The following GPRASP1 variants were observed in gnomAD, a reference collection of about 807,000 sequenced individuals.
GPRASP1 encodes the protein G protein-coupled receptor-associated sorting protein 1.
Under a neutral mutation model 68.4 loss-of-function variants are expected in GPRASP1, and 28 were observed. The ratio of observed to expected loss-of-function variants is 0.41; its 90% confidence interval spans 0.30 to 0.56. The LOEUF is 0.56. GPRASP1 is among the 20% of genes least tolerant of loss of function. GPRASP1 has a pLI of 0.29. For missense variants in GPRASP1, 913 were observed against 1,031.5 expected, an observed-to-expected ratio of 0.89 and a Z score of 1.57; for synonymous variants, 304 against 358.2, an observed-to-expected ratio of 0.85 and a Z score of 1.71.
At position 102,654,556 on chromosome X, in the gene GPRASP1, C is replaced by G. The variant is rs752939621; in HGVS notation, c.643C>G (p.Pro215Ala). 8.3e-7 allele frequency: 1 copy of G among 1,210,930 alleles called. No individual in the cohort carries two copies. Among genetic ancestry groups the G allele is most frequent in the Non-Finnish European group, 1.1e-6 (1 of 894,900 alleles). ...SGDEVTAKFHPGNRVKDSNRS... is the reference protein window; with the variant it reads ...SGDEVTAKFHAGNRVKDSNRS... ...AGATGAGGTCACTGCAAAATTTCATCCTGGGAATAGGGTAAAAGACAGTAA... is the reference window on the plus strand; with the variant it reads ...AGATGAGGTCACTGCAAAATTTCATGCTGGGAATAGGGTAAAAGACAGTAA... The change falls in exon 6 of 6, where the codon CCT becomes GCT. Residue 215 changes from proline (P) to alanine (A), a missense_variant. Coordinates refer to ENST00000537097, the MANE Select transcript of GPRASP1 (RefSeq NM_001184727.2).
In GPRASP1 at chrX:102,655,538, C is replaced by G; in HGVS notation, c.1625C>G (p.Thr542Arg). ...GTTGGGGTCAGCTGTGAGTCCAGGA[C>G]AAGGTCTGAGGAAGAAGAGGTCATT... ...SGVGVSCESR[T>R]RSEEEEVIGP... The change falls in exon 6 of 6, where the codon ACA (threonine) becomes AGA (arginine). Residue 542 changes from threonine (T) to arginine (R), a missense_variant. Thr to Arg is a moderately conservative substitution (Grantham distance 71, BLOSUM62 -1). Transcript: ENST00000537097. 8.3e-7 allele frequency: 1 copy of G among 1,211,009 alleles called. No individual in the cohort carries two copies.
Position 102,654,039 on chromosome X carries a change from C to T in GPRASP1, c.126C>T (p.Thr42=). Residue 42 remains threonine (T), a synonymous_variant, in exon 6 of 6, where the codon ACC becomes ACT. Transcript: ENST00000537097. ...TGGTGGTCAGACCCAAGGTTAGGACCCAGGCCCAGATAATGCCTGGGGCAA... is the reference window on the plus strand; with the variant it reads ...TGGTGGTCAGACCCAAGGTTAGGACTCAGGCCCAGATAATGCCTGGGGCAA... The part of the protein sequence containing the change: ...VPLVVRPKVR[T]QAQIMPGARP... 8.3e-7 allele frequency: 1 copy of T among 1,211,820 alleles called. No individual in the cohort carries two copies. Among genetic ancestry groups the T allele is most frequent in the Non-Finnish European group, 1.1e-6 (1 of 895,371 alleles).
At position 102,657,578 on chromosome X, in the gene GPRASP1, G is replaced by C. The variant is rs767210253; in HGVS notation, c.3665G>C (p.Arg1222Pro). 4.1e-6 allele frequency: 5 copies of C among 1,211,130 alleles called. No homozygotes were observed. The highest frequency in any genetic ancestry group is 5.6e-6 in the Non-Finnish European group (5 of 895,146). Residue 1222 changes from arginine to proline, a missense_variant, in exon 6 of 6, where the codon CGC becomes CCC. Arg to Pro is a moderately radical substitution (Grantham distance 103). Transcript: ENST00000537097. ...VRTSFLENMI[R>P]MAPPYPNLNI... ...ACAAGTTTTTTGGAAAATATGATTC[G>C]CATGGCCCCACCTTATCCGAATCTA...
Position 102,654,350 on chromosome X carries a change from C to T in GPRASP1, c.437C>T (p.Thr146Ile). Residue 146 changes from threonine (T) to isoleucine (I), a missense_variant, in exon 6 of 6, where the codon ACT becomes ATT. Thr to Ile is a moderately conservative substitution (Grantham distance 89). Transcript: ENST00000537097. ...GATAGAGAACTGGTTAATACAGACA[C>T]TGAGAGCTTTCCTAGAAGGAAGGCC... is the stretch of plus-strand genomic sequence containing the variant. ...SEDRELVNTD[T>I]ESFPRRKAHY... 2.5e-6 allele frequency: 3 copies of T among 1,210,938 alleles called. No individual in the cohort carries two copies. The South Asian group carries it at 5.3e-5, about 21-fold the overall frequency.
In GPRASP1 at chrX:102,655,526, G is replaced by A; in HGVS notation, c.1613G>A (p.Cys538Tyr). The A allele has an allele frequency of 8.3e-7, 1 of 1,211,556 alleles. No homozygotes were observed. Among genetic ancestry groups the A allele is most frequent in the South Asian group, 1.8e-5 (1 of 56,971 alleles). Residue 538 changes from cysteine to tyrosine, a missense_variant, in exon 6 of 6, where the codon TGT (cysteine) becomes TAT (tyrosine). Physicochemically the swap from Cys to Tyr is radical, Grantham distance 194. Coordinates refer to ENST00000537097, the MANE Select transcript of GPRASP1 (RefSeq NM_001184727.2). ...ASVESGVGVS[C>Y]ESRTRSEEEE... Reference sequence around the variant, plus strand: ...GTGGAATCTGGTGTTGGGGTCAGCTGTGAGTCCAGGACAAGGTCTGAGGAA... The same window carrying A: ...GTGGAATCTGGTGTTGGGGTCAGCTATGAGTCCAGGACAAGGTCTGAGGAA...
chrX:102,657,969 AAC>A lies in GPRASP1; in HGVS notation c.4058_4059del (p.Thr1353SerfsTer4). 5 of 1,176,579 alleles carry A rather than the reference AAC, an allele frequency of 4.2e-6. No homozygotes were observed. Among genetic ancestry groups the A allele is most frequent in the South Asian group, 1.8e-5 (1 of 55,780 alleles). ...ATATTGGCAACAATATCAAAAAAGA[AAC>A]AGTGTTCTCTGATGATGATTTCAAT... ...ENIGNNIKKE[T>X]VFSDDDFNIE... On this transcript the variant is annotated frameshift_variant, in exon 6 of 6. Coordinates refer to ENST00000537097, the MANE Select transcript of GPRASP1 (RefSeq NM_001184727.2). LOFTEE classifies it high-confidence loss of function.
chrX:102,657,118 A>G lies in GPRASP1; in HGVS notation c.3205A>G (p.Arg1069Gly), dbSNP rs1330852280. Reference sequence around the variant, plus strand: ...CGGCTTCCCATCTATAAGCCCCTTTAGATTTCCGAAAGAGGCAGCATCTTT... The same window carrying G: ...CGGCTTCCCATCTATAAGCCCCTTTGGATTTCCGAAAGAGGCAGCATCTTT... ...RVGFPSISPF[R>G]FPKEAASLFC... The change falls in exon 6 of 6, where the codon AGA (arginine) becomes GGA (glycine). Residue 1069 changes from arginine (R) to glycine (G), a missense_variant. By Grantham distance (125) the Arg-to-Gly change is moderately radical. Transcript: ENST00000537097. 41 of 1,208,021 alleles carry G rather than the reference A, an allele frequency of 3.4e-5. No homozygotes were observed. Among genetic ancestry groups the G allele is most frequent in the Non-Finnish European group, 4.5e-5 (40 of 893,436 alleles).
chrX:102,657,014 A>G lies in GPRASP1; in HGVS notation c.3101A>G (p.Gln1034Arg), dbSNP rs1425057331. The G allele has an allele frequency of 8.3e-7, 1 of 1,209,115 alleles. No homozygotes were observed. The highest frequency in any genetic ancestry group is 1.1e-6 in the Non-Finnish European group (1 of 894,316). ...AICRSTCSVEQEPDPSRRPQS... is the reference protein window; with the variant it reads ...AICRSTCSVEREPDPSRRPQS... ...TGCAGGTCCACGTGTTCAGTTGAAC[A>G]GGAGCCTGATCCTTCACGCAGGCCT... The change falls in exon 6 of 6, where the codon CAG (glutamine) becomes CGG (arginine). Residue 1034 changes from glutamine to arginine, a missense_variant. Physicochemically the swap from Gln to Arg is conservative, Grantham distance 43. Transcript: ENST00000537097.
chrX:102,655,443 A>C lies in GPRASP1; in HGVS notation c.1530A>C (p.Gln510His). The C allele has an allele frequency of 1.7e-6, 2 of 1,211,367 alleles. No individual in the cohort carries two copies. Among genetic ancestry groups the C allele is most frequent in the Non-Finnish European group, 2.2e-6 (2 of 895,212 alleles). Residue 510 changes from glutamine to histidine, a missense_variant, in exon 6 of 6, where the codon CAA (glutamine) becomes CAC (histidine). By Grantham distance (24) the Gln-to-His change is conservative. Transcript: ENST00000537097. The part of the protein sequence containing the change: ...SWFWAGEEVN[Q>H]EAEEETIFGS... ...TCTGGGCTGGTGAAGAGGTCAACCA[A>C]GAGGCTGAGGAAGAGACCATTTTTG...
In GPRASP1 at chrX:102,653,947, G is replaced by A. The variant is rs772440511; in HGVS notation, c.34G>A (p.Val12Ile). 8 of 1,209,986 alleles carry A rather than the reference G, an allele frequency of 6.6e-6. No individual in the cohort carries two copies. The East Asian group carries it at 1.5e-4, about 22-fold the overall frequency. The change falls in exon 6 of 6, where the codon GTC becomes ATC. Residue 12 changes from valine (V) to isoleucine (I), a missense_variant. Coordinates refer to ENST00000537097, the MANE Select transcript of GPRASP1 (RefSeq NM_001184727.2). ...GGCAGAGATTGAGTCTGGTGCCCAG[G>A]TCAAGCCTGAAAAGAAGCCTGGGGA... ...TGAEIESGAQVKPEKKPGEEV... is the reference protein window; with the variant it reads ...TGAEIESGAQIKPEKKPGEEV...
intron 3 of GPRASP1, 58 bp downstream of exon 3, chrX:102,652,323 C>G (rs998960937): frequency 1.8e-5 from 2 of 112,139 alleles, no homozygotes; most frequent in African/African-American, 6.5e-5. Context: ...GGGTGGGGGA[C>G]TGCGACCAGA....
In GPRASP1 at chrX:102,655,634, C is replaced by G; in HGVS notation, c.1721C>G (p.Ala574Gly). Residue 574 changes from alanine to glycine, a missense_variant, in exon 6 of 6, where the codon GCT (alanine) becomes GGT (glycine). By Grantham distance (60) the Ala-to-Gly change is moderately conservative. Transcript: ENST00000537097. ...AGIGEEARPG[A>G]EEETIFGSWF... ...ATCGGAGAAGAGGCCAGGCCAGGAGCTGAAGAAGAGACAATATTCGGGTCC... is the reference window on the plus strand; with the variant it reads ...ATCGGAGAAGAGGCCAGGCCAGGAGGTGAAGAAGAGACAATATTCGGGTCC... The G allele has an allele frequency of 8.3e-7, 1 of 1,211,324 alleles. No individual in the cohort carries two copies. The highest frequency in any genetic ancestry group is 1.1e-6 in the Non-Finnish European group (1 of 895,361).
In GPRASP1 at chrX:102,655,932, T is replaced by C; in HGVS notation, c.2019T>C (p.Asn673=). Residue 673 remains asparagine (N), a synonymous_variant, in exon 6 of 6, where the codon AAT becomes AAC. Transcript: ENST00000537097. The part of the protein sequence containing the change: ...RFMAGAEETN[N]KSCFWAEKEP... ...TGGCAGGGGCTGAGGAGACCAATAA[T>C]AAGTCTTGCTTCTGGGCAGAAAAAG... The C allele has an allele frequency of 8.3e-7, 1 of 1,211,214 alleles. No homozygotes were observed.
In GPRASP1 at chrX:102,654,669, T is replaced by G; in HGVS notation, c.756T>G (p.Gly252=). 5.8e-6 allele frequency: 7 copies of G among 1,211,400 alleles called. No homozygotes were observed. Among genetic ancestry groups the G allele is most frequent in the Non-Finnish European group, 7.8e-6 (7 of 895,091 alleles). Residue 252 remains glycine, a synonymous_variant, in exon 6 of 6, where the codon GGT becomes GGG. Transcript: ENST00000537097. ...NQELYIASSS[G]SEDESVKTPW... Reference sequence around the variant, plus strand: ...AGCTCTATATTGCATCTAGTTCTGGTTCTGAGGATGAGTCTGTTAAGACAC... The same window carrying G: ...AGCTCTATATTGCATCTAGTTCTGGGTCTGAGGATGAGTCTGTTAAGACAC...
chrX:102,652,229 T>C lies in GPRASP1; in HGVS notation c.-517T>C, dbSNP rs899645786. ...GCATCTGTAGAGGAGAGGCTTGAAA[T>C]AAAGGAGGAGCACGAATATTCCCTG... On this transcript the variant is annotated 5_prime_UTR_variant, in exon 3 of 6. Coordinates refer to ENST00000537097, the MANE Select transcript of GPRASP1 (RefSeq NM_001184727.2). The C allele has an allele frequency of 8.9e-6, 1 of 112,056 alleles. No homozygotes were observed. The highest frequency in any genetic ancestry group is 3.3e-5 in the African/African-American group (1 of 30,744). The allele number at this position is 112,056 out of a possible 1,213,427, so 9.2% of individuals were successfully genotyped here.
Position 102,657,129 on chromosome X carries a change from A to G in GPRASP1, c.3216A>G (p.Lys1072=). 1 of 1,209,964 alleles carries G rather than the reference A, an allele frequency of 8.3e-7. No homozygotes were observed. ...CTATAAGCCCCTTTAGATTTCCGAA[A>G]GAGGCAGCATCTTTATTCTGTGAAA... The part of the protein sequence containing the change: ...FPSISPFRFP[K]EAASLFCEMF... Residue 1072 remains lysine, a synonymous_variant, in exon 6 of 6, where the codon AAA becomes AAG. Transcript: ENST00000537097.
rs1004547665 is a variant in GPRASP1, at chrX:102,656,810, G to A, written c.2897G>A (p.Gly966Glu). ...GAGTCCAAGCCAGAAAATGAGGAAG[G>A]GGCCATTGTTGGGTCTTGGTTTGAG... Reference protein sequence around the residue: ...TCESKPENEEGAIVGSWFEAE... With the variant: ...TCESKPENEEEAIVGSWFEAE... Residue 966 changes from glycine (G) to glutamate (E), a missense_variant, in exon 6 of 6, where the codon GGG (glycine) becomes GAG (glutamate). Physicochemically the swap from Gly to Glu is moderately conservative, Grantham distance 98. Transcript: ENST00000537097. 60 of 1,208,884 alleles carry A rather than the reference G, an allele frequency of 5.0e-5. No homozygotes were observed. The highest frequency in any genetic ancestry group is 6.5e-5 in the Non-Finnish European group (58 of 894,674).
At position 102,657,678 on chromosome X, in the gene GPRASP1, G is replaced by A. The variant is rs1272670944; in HGVS notation, c.3765G>A (p.Leu1255=). ...ATAGCGTGGATTCCCCGGAACAGCT[G>A]TCTGGAATAAGGATGATTAGACATC... ...LAYSVDSPEQ[L]SGIRMIRHLT... is the part of the protein sequence containing the mutation. Residue 1255 remains leucine, a synonymous_variant, in exon 6 of 6, where the codon CTG becomes CTA. Coordinates refer to ENST00000537097, the MANE Select transcript of GPRASP1 (RefSeq NM_001184727.2). 3 of 1,210,141 alleles carry A rather than the reference G, an allele frequency of 2.5e-6. No individual in the cohort carries two copies. The highest frequency in any genetic ancestry group is 3.4e-6 in the Non-Finnish European group (3 of 894,945).
In GPRASP1 at chrX:102,654,985, T is replaced by C. The variant is rs1196934700; in HGVS notation, c.1072T>C (p.Trp358Arg). 4.1e-6 allele frequency: 5 copies of C among 1,210,937 alleles called. 1 individual carries two copies. In the South Asian group the frequency reaches 8.8e-5, roughly 21 times the overall value. The change falls in exon 6 of 6, where the codon TGG becomes CGG. Residue 358 changes from tryptophan to arginine, a missense_variant. Physicochemically the swap from Trp to Arg is moderately radical, Grantham distance 101 (BLOSUM62 -3). Coordinates refer to ENST00000537097, the MANE Select transcript of GPRASP1 (RefSeq NM_001184727.2). ...IDVIKKESCF[W>R]PEENANTFSR... ...TGTAATTAAAAAAGAGTCCTGTTTC[T>C]GGCCTGAAGAAAATGCTAATACCTT...
Sources: allele counts gnomAD v4.1 joint callset, GRCh38; gene constraint gnomAD v4.1.1; transcripts MANE v1.5; gene names NCBI Gene and HGNC (gene_info 2026-07-23, HGNC 2026-07-21).